The following FRY variants were observed in gnomAD, a reference collection of about 807,000 sequenced individuals.
The protein encoded by FRY is protein furry homolog.
A neutral mutation model predicts 348.4 loss-of-function variants in FRY; 128 were observed. The observed-to-expected ratio is 0.37, with a 90% CI of 0.32 to 0.43. The LOEUF (loss-of-function observed/expected upper bound fraction) is 0.43, where lower values mean the gene tolerates loss of function less well. Ranked by LOEUF, FRY falls within the 20% of genes least tolerant of loss-of-function variation. The probability of loss-of-function intolerance (pLI) is 1.00; values close to 1 mark genes in which losing one functional copy is unlikely to be tolerated. For missense variants in FRY, 2,736 were observed against 3,695.2 expected, an observed-to-expected ratio of 0.74 and a Z score of 6.73; for synonymous variants, 1,370 against 1,374.7, an observed-to-expected ratio of 1.00 and a Z score of 0.08.
chr13:32,073,376 C>T (rs909402506), intron 1 of FRY, among the ~76,000 whole-genome samples: 7 of 152,208 alleles, frequency 4.6e-5, no homozygotes, highest in African/African-American at 1.2e-4. Context: ...ACCAAGAATA[C>T]ACACAGTGTT....
rs757501056 is a variant in FRY at position 32,231,225 on chromosome 13, C to G, written c.5452C>G (p.Gln1818Glu). The G allele has an allele frequency of 2.8e-5, 45 of 1,612,786 alleles. No homozygotes were observed. The South Asian group carries it at 4.8e-4, about 17-fold the overall frequency. The part of the protein sequence containing the change: ...WCHEDITPKN[Q>E]NSKSAEQLTN... Reference sequence around the variant, plus strand: ...CCATGAAGACATCACACCTAAAAATCAAAATTCAAAGAGTGCTGAACAGCT... The same window carrying G: ...CCATGAAGACATCACACCTAAAAATGAAAATTCAAAGAGTGCTGAACAGCT... Residue 1818 changes from glutamine to glutamate, a missense_variant, in exon 41 of 61, where the codon CAA becomes GAA. By Grantham distance (29) the Gln-to-Glu change is conservative. This residue lies in a region of FRY where 794 missense variants were observed against 977.0 expected (regional missense o/e 0.81). Coordinates refer to ENST00000542859, the MANE Select transcript of FRY (RefSeq NM_023037.3).
intron 1 of FRY, among the ~76,000 whole-genome samples, chr13:32,053,852 A>C (rs1873476193): frequency 6.6e-6 from 1 of 152,164 alleles, no homozygotes; most frequent in Non-Finnish European, 1.5e-5. Context: ...TAGTAGTAAA[A>C]GGTTGTGTGG....
chr13:32,279,289 G>T (rs958707244), intron 58 of FRY, among the ~76,000 whole-genome samples: 14 of 152,180 alleles, frequency 9.2e-5, no homozygotes, highest in Admixed American at 3.3e-4. Flanking sequence ...GTAGCATCTT[G>T]GCAGAGATCT....
intron 29 of FRY, among the ~76,000 whole-genome samples, chr13:32,200,954 A>G (rs901321712): frequency 6.6e-5 from 10 of 151,976 alleles, no homozygotes; most frequent in African/African-American, 2.4e-4. Context: ...TCTTGGCCCC[A>G]TACAATCCAT....
intron 11 of FRY, among the ~76,000 whole-genome samples, chr13:32,139,244 C>G (rs932840158): frequency 1.3e-5 from 2 of 152,154 alleles, no homozygotes; most frequent in African/African-American, 4.8e-5. Context: ...TATACTTTGT[C>G]TTGAATTGCT....
chr13:32,291,708 T>A (rs1031909687), intron 59 of FRY, among the ~76,000 whole-genome samples: 1 of 152,126 alleles, frequency 6.6e-6, no homozygotes, highest in Non-Finnish European at 1.5e-5. Context: ...GATTCACCAT[T>A]CTTGATGCCA....
At chr13:32,057,184 T>C (rs1184677581) in intron 1 of FRY, among the ~76,000 whole-genome samples, 1 of 152,036 alleles carries the variant, frequency 6.6e-6, no homozygotes. Flanking sequence ...TTTTATTTTT[T>C]TTTTAAGACA....
At position 32,234,905 on chromosome 13, in the gene FRY, G is replaced by T; in HGVS notation, c.5715+144G>T. 2.9e-6 allele frequency: 2 copies of T among 686,622 alleles called. 1 individual carries two copies. The highest frequency in any genetic ancestry group is 3.7e-5 in the South Asian group (2 of 54,282). 42.5% of individuals were successfully genotyped at this position (686,622 alleles called of 1,614,324 possible). On this transcript the variant is annotated intron_variant, in intron 42 of 60. Coordinates refer to ENST00000542859, the MANE Select transcript of FRY (RefSeq NM_023037.3). ...ATATATTTTTTCAATTTTAGAGGTT[G>T]ACTTTTATATTTACAAAAATTATTC...
chr13:32,071,804 T>C (rs1262701281), intron 1 of FRY, among the ~76,000 whole-genome samples: 1 of 152,222 alleles, frequency 6.6e-6, no homozygotes, highest in African/African-American at 2.4e-5. Flanking sequence ...AGTGATCTGC[T>C]ATACAATTGT....
intron 48 of FRY, 21 bp downstream of exon 48, chr13:32,247,523 T>C: frequency 6.3e-7 from 1 of 1,579,864 alleles, no homozygotes; most frequent in African/African-American, 1.3e-5. Context: ...ATGTTAACTA[T>C]TTCTGTGAAC....
intron 2 of FRY, among the ~76,000 whole-genome samples, chr13:32,091,619 C>G (rs558348247): frequency 2.6e-5 from 4 of 152,316 alleles, no homozygotes; most frequent in East Asian, 3.9e-4. Context: ...CCACAGCTCT[C>G]TACTGTGAAG....
intron 1 of FRY, among the ~76,000 whole-genome samples, chr13:32,037,611 C>T (rs1009271505): frequency 6.6e-6 from 1 of 152,162 alleles, no homozygotes; most frequent in African/African-American, 2.4e-5. Context: ...AAGCAAACAG[C>T]AGTAGGCAAG....
intron 1 of FRY, among the ~76,000 whole-genome samples, chr13:32,052,173 T>G (rs548350897): frequency 1.7e-4 from 26 of 152,236 alleles, no homozygotes; most frequent in African/African-American, 5.1e-4. Context: ...TTCTATAGAG[T>G]GGACATAAAG....
intron 3 of FRY, among the ~76,000 whole-genome samples, chr13:32,107,010 TA>T (rs1188275284): frequency 6.6e-6 from 1 of 152,254 alleles, no homozygotes; most frequent in African/African-American, 2.4e-5. Context: ...CTCATAATTT[TA>T]TTGGTTTAGT....
In FRY at chr13:32,076,804, T is replaced by C. The variant is rs539519698; in HGVS notation, c.71-2030T>C. 7.3e-4 allele frequency among the ~76,000 whole-genome samples: 111 copies of C among 152,316 alleles called. 1 individual carries two copies. In the South Asian group the frequency reaches 0.013, roughly 17 times the overall value. On this transcript the variant is annotated intron_variant, in intron 1 of 60. Coordinates refer to ENST00000542859, the MANE Select transcript of FRY (RefSeq NM_023037.3). ...GTCTTATTAGGGAACTTTTAGGAGA[T>C]ATAGCTAGAAGAGTATATGGTTTAA...
intron 12 of FRY, 36 bp downstream of exon 12, chr13:32,147,421 C>A: frequency 8.9e-7 from 1 of 1,121,438 alleles, no homozygotes; most frequent in Non-Finnish European, 1.4e-6. Flanking sequence ...AACCATATCA[C>A]TCAGCCACTG....
intron 7 of FRY, among the ~76,000 whole-genome samples, chr13:32,126,884 A>G (rs1167511005): frequency 6.6e-6 from 1 of 152,220 alleles, no homozygotes; most frequent in Non-Finnish European, 1.5e-5. Context: ...TAATAATTCT[A>G]ATTTTAGATT....
At position 32,237,620 on chromosome 13, in the gene FRY, A is replaced by G. The variant is rs1025105078; in HGVS notation, c.6052A>G (p.Thr2018Ala). Residue 2018 changes from threonine to alanine, a missense_variant, in exon 44 of 61, where the codon ACC (threonine) becomes GCC (alanine). Thr to Ala is a moderately conservative substitution (Grantham distance 58, BLOSUM62 0). Transcript: ENST00000542859. The surrounding 1 kb of genome is among the most constrained non-coding windows in gnomAD (Gnocchi z 6.3). ...TACCCAACAAGGCCTCTCCTCAAAA[A>G]CCAGAAGCTCATCCTCCTTGAAGGA... ...ACTQQGLSSK[T>A]RSSSSLKDSL... 1 of 1,613,992 alleles carries G rather than the reference A, an allele frequency of 6.2e-7. No homozygotes were observed. The highest frequency in any genetic ancestry group is 1.1e-5 in the South Asian group (1 of 91,060).
intron 57 of FRY, 145 bp from the exon 58 acceptor site, chr13:32,278,320 A>G (rs1397345928): frequency 4.5e-6 from 3 of 660,446 alleles, no homozygotes; most frequent in East Asian, 2.8e-5. Flanking sequence ...ACCCCCAAAT[A>G]CGACCCTTTT....
Sources: gnomAD v4.1 joint callset for allele counts (sites outside exome capture counted in the v4.1 genomes callset) on GRCh38, gnomAD v4.1.1 for gene constraint, gnomAD v4.1.1 regional missense constraint, Gnocchi (gnomAD v3.1) non-coding constraint, MANE v1.5 for transcripts, NCBI Gene and HGNC (gene_info 2026-07-23, HGNC 2026-07-21) for gene names.